The following GDA variants were observed in gnomAD, a reference collection of about 807,000 sequenced individuals.
The protein encoded by GDA is cytoplasmic PSD-95 interactor.
A neutral mutation model predicts 59.6 loss-of-function variants in GDA; 18 were observed. The ratio of observed to expected loss-of-function variants is 0.30; its 90% CI spans 0.21 to 0.45. The LOEUF (loss-of-function observed/expected upper bound fraction) is 0.45, where lower values mean the gene tolerates loss of function less well. Ranked by LOEUF, GDA falls within the 20% of genes least tolerant of loss-of-function variation. The probability of loss-of-function intolerance (pLI) is 1.00; values close to 1 mark genes in which losing one functional copy is unlikely to be tolerated. For synonymous variants in GDA, 201 were observed against 201.1 expected (o/e 1.00, Z 0.00); for missense variants, 427 against 552.3 (o/e 0.77, Z 2.27).
chr9:72,198,846 G>GATATATAT (rs141544036), intron 2 of GDA, among the ~76,000 whole-genome samples: 6 of 128,574 alleles, frequency 4.7e-5, no homozygotes, highest in African/African-American at 1.5e-4. Flanking sequence ...TATATAGGGG[G>GATATATAT]ATATATATAT....
chr9:72,244,003 A>T, intron 11 of GDA, among the ~76,000 whole-genome samples: 1 of 151,956 alleles, frequency 6.6e-6, no homozygotes, highest in Non-Finnish European at 1.5e-5. Flanking sequence ...GTGAAACCCC[A>T]TCTCTACTAA....
At chr9:72,157,350 T>C (rs996369786) in intron 1 of GDA, among the ~76,000 whole-genome samples, 3 of 152,138 alleles carry the variant, frequency 2.0e-5, no homozygotes, top group Non-Finnish European at 2.9e-5. Context: ...CCAGACTTCT[T>C]TTGTGAGATA....
chr9:72,128,971 C>CTT (rs200662642), intron 1 of GDA, among the ~76,000 whole-genome samples: 25 of 146,504 alleles, frequency 1.7e-4, no homozygotes, highest in East Asian at 1.0e-3. Flanking sequence ...TCTTTCTTTT[C>CTT]TTTTTTTTTT....
intron 1 of GDA, among the ~76,000 whole-genome samples, chr9:72,178,571 C>A (rs1830805515): frequency 6.6e-6 from 1 of 152,092 alleles, no homozygotes; most frequent in African/African-American, 2.4e-5. Flanking sequence ...GCATGTATCA[C>A]CACGCCTAGC....
intron 1 of GDA, among the ~76,000 whole-genome samples, chr9:72,175,878 A>G (rs190361425): frequency 6.6e-6 from 1 of 152,366 alleles, no homozygotes; most frequent in Admixed American, 6.5e-5. Flanking sequence ...ATAACCAAAA[A>G]GCTGTGTGAG....
chr9:72,209,569 T>G (rs1835114559), intron 3 of GDA, among the ~76,000 whole-genome samples: 1 of 152,116 alleles, frequency 6.6e-6, no homozygotes, highest in Non-Finnish European at 1.5e-5. Context: ...ACCTTATAGA[T>G]TATGTTTCCT....
chr9:72,205,609 A>C (rs1834597967), intron 3 of GDA, among the ~76,000 whole-genome samples: 1 of 152,208 alleles, frequency 6.6e-6, no homozygotes, highest in South Asian at 2.1e-4. Context: ...TGATTGTTAC[A>C]GCTCTGGGTT....
At chr9:72,131,932 C>T (rs1362575126) in intron 1 of GDA, among the ~76,000 whole-genome samples, 2 of 152,208 alleles carry the variant, frequency 1.3e-5, no homozygotes, top group African/African-American at 4.8e-5. Flanking sequence ...GAGAAGGCTT[C>T]ACAATCATGA....
intron 10 of GDA, among the ~76,000 whole-genome samples, chr9:72,232,083 G>GT (rs1838421240): frequency 6.6e-6 from 1 of 152,236 alleles, no homozygotes; most frequent in South Asian, 2.1e-4. Context: ...CTTCGAAAGT[G>GT]TGAGTCAGGC....
At position 72,149,636 on chromosome 9, in the gene GDA, T is replaced by A; in HGVS notation, c.77T>A (p.Met26Lys). 1 of 1,608,734 alleles carries A rather than the reference T, an allele frequency of 6.2e-7. No homozygotes were observed. Among genetic ancestry groups the A allele is most frequent in the Non-Finnish European group, 8.5e-7 (1 of 1,178,104 alleles). The change falls in exon 1 of 14, where the codon ATG (methionine) becomes AAG (lysine). Residue 26 changes from methionine (M) to lysine (K), a missense_variant. Transcript: ENST00000358399. Reference sequence around the variant, plus strand: ...GTCCACTCCACCTGGACCTGCCCCATGGAGGTGCTGCGGGATCACCTCCTC... The same window carrying A: ...GTCCACTCCACCTGGACCTGCCCCAAGGAGGTGCTGCGGGATCACCTCCTC... Reference protein sequence around the residue: ...TFVHSTWTCPMEVLRDHLLGV... With the variant: ...TFVHSTWTCPKEVLRDHLLGV...
rs1840412912 is a variant in GDA, at chr9:72,248,795, C to T, written c.*453C>T. On this transcript the variant is annotated 3_prime_UTR_variant, in exon 14 of 14. Transcript: ENST00000358399. ...GAGCAAAAGTTAGACTGAGAACAAA[C>T]GTTAGAAAATCACTTCAGATTGTGT... is the stretch of plus-strand genomic sequence containing the variant. 1 of 989,762 alleles carries T rather than the reference C, an allele frequency of 1.0e-6. No individual in the cohort carries two copies. The highest frequency in any genetic ancestry group is 4.6e-5 in the South Asian group (1 of 21,784). 61.3% of individuals were successfully genotyped at this position (989,762 alleles called of 1,614,324 possible). A position where few individuals can be genotyped will look rare whatever the true frequency, so the allele number is the denominator to read the frequency against.
intron 10 of GDA, among the ~76,000 whole-genome samples, chr9:72,240,483 T>A (rs901267725): frequency 2.0e-5 from 3 of 152,218 alleles, no homozygotes; most frequent in Non-Finnish European, 4.4e-5. Flanking sequence ...TTAAACCATT[T>A]GAGTATTGTG....
At chr9:72,228,184 G>C (rs139578471) in intron 9 of GDA, 144 bp downstream of exon 9, 5 of 631,946 alleles carry the variant, frequency 7.9e-6, no homozygotes, top group Middle Eastern at 4.1e-4. Context: ...ACATTTACTC[G>C]TGCTGTTGAG....
At chr9:72,189,921 A>G (rs1437145423) in intron 1 of GDA, among the ~76,000 whole-genome samples, 1 of 152,150 alleles carries the variant, frequency 6.6e-6, no homozygotes, top group African/African-American at 2.4e-5. Context: ...GCAGAATGCT[A>G]TGGTTTGAAT....
rs531381103 is a variant in GDA, at chr9:72,142,572, CA to C, written c.-100+27751del. Among the ~76,000 whole-genome samples, 1,283 of 134,724 alleles carry C rather than the reference CA, an allele frequency of 9.5e-3. 12 individuals are homozygous for C. Among genetic ancestry groups the C allele is most frequent in the African/African-American group, 0.027 (1,007 of 37,046 alleles). 88.4% of individuals were successfully genotyped at this position (134,724 alleles called of 152,430 possible). ...TGGGCAACAGAGCAAGACTCCATCT[CA>C]AAAAAAAAAAAGAAGTACGGAACCA... On this transcript the variant is annotated intron_variant, in intron 1 of 13. Transcript: ENST00000545168.
intron 2 of GDA, chr9:72,197,436 C>G (rs1833326956): frequency 1.3e-5 from 2 of 151,966 alleles, no homozygotes; most frequent in Admixed American, 1.3e-4. Flanking sequence ...TTTATAGTCT[C>G]CTGCTTGCGT....
intron 5 of GDA, among the ~76,000 whole-genome samples, chr9:72,215,485 A>G (rs1291654202): frequency 6.6e-6 from 1 of 152,194 alleles, no homozygotes; most frequent in Non-Finnish European, 1.5e-5. Context: ...TGGCCATAAC[A>G]GGCTAATATA....
chr9:72,208,146 G>C (rs1022973048), intron 3 of GDA, among the ~76,000 whole-genome samples: 4 of 152,240 alleles, frequency 2.6e-5, no homozygotes, highest in South Asian at 4.2e-4. Flanking sequence ...GAACACACTG[G>C]ATCTAATTAG....
chr9:72,139,787 A>G (rs1015270959), intron 1 of GDA, among the ~76,000 whole-genome samples: 1 of 152,210 alleles, frequency 6.6e-6, no homozygotes, highest in African/African-American at 2.4e-5. Flanking sequence ...AGAGGCACAA[A>G]ATAAGGTTTT....
Sources: allele counts gnomAD v4.1 joint callset (sites outside exome capture counted in the v4.1 genomes callset), GRCh38; gene constraint gnomAD v4.1.1; transcripts MANE v1.5; gene names NCBI Gene and HGNC (gene_info 2026-07-23, HGNC 2026-07-21).